PCLAF: variants seen among roughly 807,000 people sequenced by gnomAD.
The protein encoded by PCLAF is PCNA clamp associated factor.
A neutral mutation model predicts 15.1 loss-of-function variants in PCLAF; 12 were observed. The ratio of observed to expected loss-of-function variants is 0.79; its 90% CI spans 0.51 to 1.29. The LOEUF (loss-of-function observed/expected upper bound fraction) is 1.29, where lower values mean the gene tolerates loss of function less well. Among genes scored for constraint, PCLAF ranks in the 50% most tolerant of loss-of-function variants. PCLAF has a pLI of 0.00. For missense variants in PCLAF, 116 were observed against 130.9 expected (o/e 0.89, Z 0.56); for synonymous variants, 33 against 47.1 (o/e 0.70, Z 1.22).
chr15:64,364,511 G>A lies in PCLAF; in HGVS notation c.*1519C>T, dbSNP rs1898954998. The A allele has an allele frequency of 6.6e-6, 1 of 152,080 alleles. No individual in the cohort carries two copies. The highest frequency in any genetic ancestry group is 2.1e-4 in the South Asian group (1 of 4,828). The allele number at this position is 152,080 out of a possible 1,614,324, so 9.4% of individuals were successfully genotyped here. On this transcript the variant is annotated 3_prime_UTR_variant, in exon 4 of 4. Transcript: ENST00000300035. ...TGCCATGCCTATGGGTTTATGGCAT[G>A]ATTTGCCTTTCATGTTATATTGACT...
chr15:64,371,007 C>A (rs1348320695), intron 3 of PCLAF, among the ~76,000 whole-genome samples: 1 of 131,910 alleles, frequency 7.6e-6, no homozygotes, highest in Non-Finnish European at 1.6e-5. Flanking sequence ...CTCGCGCTGT[C>A]GCCCAGGCTG....
upstream of PCLAF, chr15:64,381,573 C>T (rs1596328634): frequency 2.8e-6 from 4 of 1,411,432 alleles, no homozygotes; most frequent in East Asian, 7.6e-5. Context: ...GTGGTGACAG[C>T]GGCGAGGCTT....
intron 3 of PCLAF, among the ~76,000 whole-genome samples, chr15:64,367,451 C>G (rs1240161488): frequency 6.7e-6 from 1 of 148,788 alleles, no homozygotes; most frequent in Non-Finnish European, 1.5e-5. Context: ...TGCCGTGAGC[C>G]AAAACTGAAT....
At chr15:64,373,690 C>A in intron 3 of PCLAF, 1 of 1,535,100 alleles carries the variant, frequency 6.5e-7, no homozygotes, top group Non-Finnish European at 8.7e-7. Context: ...TCGCCACCAT[C>A]CCCTTACCCA....
chr15:64,374,466 G>A (rs921343145), intron 3 of PCLAF, among the ~76,000 whole-genome samples: 1 of 152,022 alleles, frequency 6.6e-6, no homozygotes, highest in Non-Finnish European at 1.5e-5. Flanking sequence ...GTGAACCCGG[G>A]AGGTGGAGGT....
At chr15:64,367,812 T>C (rs1446300867) in intron 3 of PCLAF, among the ~76,000 whole-genome samples, 2 of 151,754 alleles carry the variant, frequency 1.3e-5, no homozygotes, top group African/African-American at 4.8e-5. Context: ...CCTCTCAAAG[T>C]ACTGGGATTA....
At chr15:64,381,072 G>T (rs932576154) in intron 1 of PCLAF, 34 bp from the exon 2 acceptor site, 1 of 1,601,300 alleles carries the variant, frequency 6.2e-7, no homozygotes, top group Non-Finnish European at 8.6e-7. Flanking sequence ...TGTTCAGAAG[G>T]GGCAGGAGGG....
chr15:64,371,027 A>G (rs1899289440), intron 3 of PCLAF, among the ~76,000 whole-genome samples: 1 of 132,226 alleles, frequency 7.6e-6, no homozygotes, highest in African/African-American at 2.9e-5. Flanking sequence ...GGAGTGCAGT[A>G]GCGCAATCTC....
At chr15:64,381,243 G>C in intron 1 of PCLAF, 83 bp downstream of exon 1, 1 of 1,518,982 alleles carries the variant, frequency 6.6e-7, no homozygotes, top group Non-Finnish European at 9.1e-7. Flanking sequence ...ACAGGGCCCA[G>C]GGGGACCTCT....
At chr15:64,366,416 C>T (rs1432323765) in intron 3 of PCLAF, among the ~76,000 whole-genome samples, 1 of 152,130 alleles carries the variant, frequency 6.6e-6, no homozygotes, top group African/African-American at 2.4e-5. Flanking sequence ...AATCCTTCAG[C>T]AAGAACTTTG....
At chr15:64,374,802 GGCCACT>G (rs1255193064) in intron 3 of PCLAF, among the ~76,000 whole-genome samples, 2 of 149,646 alleles carry the variant, frequency 1.3e-5, no homozygotes, top group African/African-American at 4.9e-5. Flanking sequence ...GCGAACATTG[GGCCACT>G]GCATTACAGC....
chr15:64,377,398 C>T (rs1203824035), intron 2 of PCLAF, among the ~76,000 whole-genome samples: 7 of 142,930 alleles, frequency 4.9e-5, no homozygotes, highest in South Asian at 4.5e-4. Flanking sequence ...ACCAGCGAGT[C>T]GGAGGTTGCA....
intron 1 of PCLAF, 67 bp downstream of exon 1, chr15:64,381,259 C>A (rs1346139349): frequency 1.6e-5 from 26 of 1,576,840 alleles, no homozygotes; most frequent in Non-Finnish European, 2.3e-5. Flanking sequence ...CCTCTGGCGT[C>A]TGTCGCCCGT....
chr15:64,377,486 AAAATAT>A (rs1899643780), intron 2 of PCLAF, among the ~76,000 whole-genome samples: 1 of 40,810 alleles, frequency 2.5e-5, no homozygotes, highest in African/African-American at 8.9e-5. Context: ...AAAAAAAAAA[AAAATAT>A]ATATATATAT....
At chr15:64,374,872 G>T (rs900658871) in intron 3 of PCLAF, among the ~76,000 whole-genome samples, 9 of 146,858 alleles carry the variant, frequency 6.1e-5, no homozygotes, top group African/African-American at 2.3e-4. Context: ...AAGGAAGAAA[G>T]AAAGAAAAAA....
At position 64,366,144 on chromosome 15, in the gene PCLAF, C is replaced by T. The variant is rs188131281; in HGVS notation, c.291-69G>A. 208 of 1,158,942 alleles carry T rather than the reference C, an allele frequency of 1.8e-4. No individual in the cohort carries two copies. The East Asian group carries it at 4.4e-3, about 25-fold the overall frequency. The allele number at this position is 1,158,942 out of a possible 1,614,324, so 71.8% of individuals were successfully genotyped here. Reference sequence around the variant, plus strand: ...CTGTTTGAAAAAAATAGTTACAAACCTATATAAATCAGGAACATTAATTAA... The same window carrying T: ...CTGTTTGAAAAAAATAGTTACAAACTTATATAAATCAGGAACATTAATTAA... On this transcript the variant is annotated intron_variant, in intron 3 of 3. Coordinates refer to ENST00000300035, the MANE Select transcript of PCLAF (RefSeq NM_014736.6).
chr15:64,383,763 T>C (rs1899881046), upstream of PCLAF, among the ~76,000 whole-genome samples: 1 of 152,212 alleles, frequency 6.6e-6, no homozygotes, highest in African/African-American at 2.4e-5. Context: ...TCCAGATTCC[T>C]GCAGAAAGAA....
At chr15:64,380,126 T>G (rs1899764497) in intron 2 of PCLAF, among the ~76,000 whole-genome samples, 2 of 152,108 alleles carry the variant, frequency 1.3e-5, no homozygotes, top group African/African-American at 4.8e-5. Context: ...ATCACGTCTG[T>G]GTTCCCATCA....
intron 1 of PCLAF, 36 bp downstream of exon 1, chr15:64,381,290 C>T (rs1301529221): frequency 1.9e-6 from 3 of 1,608,606 alleles, no homozygotes; most frequent in South Asian, 1.1e-5. Flanking sequence ...CCGGGAGGAC[C>T]CCCCCGCCCT....
Sources: gnomAD v4.1 joint callset for allele counts (sites outside exome capture counted in the v4.1 genomes callset) on GRCh38, gnomAD v4.1.1 for gene constraint, MANE v1.5 for transcripts, NCBI Gene and HGNC (gene_info 2026-07-23, HGNC 2026-07-21) for gene names.